Variants in PIK3CG observed in about 807,000 individuals in gnomAD.
PIK3CG encodes the protein phosphatidylinositol 4,5-bisphosphate 3-kinase catalytic subunit gamma isoform.
PIK3CG carries 55 observed loss-of-function variants against 102.3 expected under a neutral mutation model. That is an observed-to-expected ratio of 0.54 (90% CI 0.43 to 0.67). The LOEUF (loss-of-function observed/expected upper bound fraction) is 0.67. Ranked by LOEUF, PIK3CG falls within the 30% of genes least tolerant of loss-of-function variation. The pLI, the probability that PIK3CG is intolerant of heterozygous loss-of-function variation, is 0.00. For synonymous variants in PIK3CG, 552 were observed against 540.0 expected, an observed-to-expected ratio of 1.02 and a Z score of -0.31; for missense variants, 1,258 against 1,391.8, an observed-to-expected ratio of 0.90 and a Z score of 1.53.
At chr7:106,887,051 G>T (rs1432338296) in intron 10 of PIK3CG, among the ~76,000 whole-genome samples, 1 of 152,098 alleles carries the variant, frequency 6.6e-6, no homozygotes, top group Non-Finnish European at 1.5e-5. Context: ...ATTTGTGTTG[G>T]GCCACATTAA....
rs1790361705 is a variant in PIK3CG at position 106,867,915 on chromosome 7, T to C, written c.354T>C (p.Thr118=). The change falls in exon 2 of 11, where the codon ACT becomes ACC. Residue 118 remains threonine, a synonymous_variant. Transcript: ENST00000496166. This position sits in a 1 kb window ranked among gnomAD's most constrained non-coding sequence, Gnocchi z 5.1. Reference sequence around the variant, plus strand: ...ACGACAAGTACCAGGTGGTGCAGACTCTGGACTGCCTGCGCTACTGGAAGG... The same window carrying C: ...ACGACAAGTACCAGGTGGTGCAGACCCTGGACTGCCTGCGCTACTGGAAGG... ...EIYDKYQVVQ[T]LDCLRYWKAT... is the part of the protein sequence containing the mutation. 6.2e-7 allele frequency: 1 copy of C among 1,613,232 alleles called. No individual in the cohort carries two copies.
intron 5 of PIK3CG, among the ~76,000 whole-genome samples, chr7:106,876,060 G>A (rs367913546): frequency 9.4e-4 from 142 of 150,680 alleles, no homozygotes; most frequent in African/African-American, 3.2e-3. Context: ...GACTACAGGC[G>A]CCCGCCACCG....
chr7:106,905,188 C>G lies in PIK3CG; in HGVS notation c.3110C>G (p.Thr1037Arg), dbSNP rs1362910094. The G allele has an allele frequency of 1.2e-6, 2 of 1,613,944 alleles. No homozygotes were observed. The highest frequency in any genetic ancestry group is 2.7e-5 in the African/African-American group (2 of 74,910). Residue 1037 changes from threonine to arginine, a missense_variant, in exon 11 of 11, where the codon ACA becomes AGA. Physicochemically the swap from Thr to Arg is moderately conservative, Grantham distance 71 (BLOSUM62 -1). Transcript: ENST00000496166. This position sits in a 1 kb window ranked among gnomAD's most constrained non-coding sequence, Gnocchi z 5.6. The stretch of plus-strand genomic sequence containing the variant: ...ATCCTGTTCTCCATGATGCTGATGA[C>G]AGGAATGCCCCAGTTAACAAGCAAA... ...LIILFSMMLMTGMPQLTSKED... is the reference protein window; with the variant it reads ...LIILFSMMLMRGMPQLTSKED...
intron 2 of PIK3CG, among the ~76,000 whole-genome samples, chr7:106,870,694 A>G (rs1171255320): frequency 6.6e-6 from 1 of 152,212 alleles, no homozygotes; most frequent in Non-Finnish European, 1.5e-5. Context: ...TAAATTTTAC[A>G]CACTAAACTA....
In PIK3CG at chr7:106,897,757, A is replaced by G. The variant is rs1454738068; in HGVS notation, c.3031-7352A>G. On this transcript the variant is annotated intron_variant, in intron 10 of 10. Transcript: ENST00000496166. This position sits in a 1 kb window ranked among gnomAD's most constrained non-coding sequence, Gnocchi z 4.6. ...TAGTATTCCATGGTGTATATGTACC[A>G]CATTTTCTTTAATCAGCCTATCATT... 2.0e-5 allele frequency among the ~76,000 whole-genome samples: 3 copies of G among 152,172 alleles called. No individual in the cohort carries two copies. The highest frequency in any genetic ancestry group is 4.8e-5 in the African/African-American group (2 of 41,444).
intron 10 of PIK3CG, among the ~76,000 whole-genome samples, chr7:106,887,933 C>CTTTTTT (rs71156344): frequency 3.3e-5 from 2 of 60,602 alleles, no homozygotes; most frequent in African/African-American, 1.4e-4. Context: ...GACGACTCTC[C>CTTTTTT]TTTTTTTTTT....
rs2116520569 is a variant in PIK3CG at position 106,879,449 on chromosome 7, G to A, written c.2392-70G>A. 1 of 1,242,752 alleles carries A rather than the reference G, an allele frequency of 8.0e-7. No homozygotes were observed. The highest frequency in any genetic ancestry group is 1.2e-6 in the Non-Finnish European group (1 of 849,642). 77.0% of individuals were successfully genotyped at this position (1,242,752 alleles called of 1,614,324 possible). On this transcript the variant is annotated intron_variant, in intron 5 of 10. Coordinates refer to ENST00000496166, the MANE Select transcript of PIK3CG (RefSeq NM_001282426.2). The surrounding 1 kb of genome is among the most constrained non-coding windows in gnomAD (Gnocchi z 4.9). Reference sequence around the variant, plus strand: ...TTGTTTATAGTGATGTTTTGCAAGAGAATTTGTGTCTCCACCATGTATATT... The same window carrying A: ...TTGTTTATAGTGATGTTTTGCAAGAAAATTTGTGTCTCCACCATGTATATT...
In PIK3CG at chr7:106,894,274, A is replaced by C. The variant is rs1382849279; in HGVS notation, c.3030+7982A>C. ...CACACACACACAGACACACACACAC[A>C]CCCCTACGTGCACGCTATCAGAATA... On this transcript the variant is annotated intron_variant, in intron 10 of 10. Transcript: ENST00000496166. This position sits in a 1 kb window ranked among gnomAD's most constrained non-coding sequence, Gnocchi z 4.4. Among the ~76,000 whole-genome samples the C allele has an allele frequency of 1.3e-5, 2 of 151,864 alleles. No individual in the cohort carries two copies. Among genetic ancestry groups the C allele is most frequent in the African/African-American group, 2.4e-5 (1 of 41,328 alleles).
In PIK3CG at chr7:106,869,329, C is replaced by T. The variant is rs1790452037; in HGVS notation, c.1768C>T (p.Pro590Ser). Residue 590 changes from proline to serine, a missense_variant, in exon 2 of 11, where the codon CCT (proline) becomes TCT (serine). Coordinates refer to ENST00000496166, the MANE Select transcript of PIK3CG (RefSeq NM_001282426.2). This position sits in a 1 kb window ranked among gnomAD's most constrained non-coding sequence, Gnocchi z 5.3. Reference protein sequence around the residue: ...YESLKHPKAYPKLFSSVKWGQ... With the variant: ...YESLKHPKAYSKLFSSVKWGQ... ...AAGCCTTAAGCACCCAAAAGCATAT[C>T]CTAAGCTATTTAGTTCAGTGAAATG... 2 of 1,614,104 alleles carry T rather than the reference C, an allele frequency of 1.2e-6. No homozygotes were observed. The highest frequency in any genetic ancestry group is 2.2e-5 in the South Asian group (2 of 91,092).
rs565242264 is a variant in PIK3CG, at chr7:106,884,047, G to C, written c.2761-108G>C. The C allele has an allele frequency of 4.1e-5, 33 of 809,734 alleles. 1 individual carries two copies. The South Asian group carries it at 5.1e-4, about 13-fold the overall frequency. 50.2% of individuals were successfully genotyped at this position (809,734 alleles called of 1,614,324 possible). A position where few individuals can be genotyped will look rare whatever the true frequency, so the allele number is the denominator to read the frequency against. ...TAATGAAATCAGGCACAACTAACTTGCTCTCTGAAAATGGTTTCCAGAATA... is the reference window on the plus strand; with the variant it reads ...TAATGAAATCAGGCACAACTAACTTCCTCTCTGAAAATGGTTTCCAGAATA... On this transcript the variant is annotated intron_variant, in intron 8 of 10. Transcript: ENST00000496166. This position sits in a 1 kb window ranked among gnomAD's most constrained non-coding sequence, Gnocchi z 4.2.
rs765417966 is a variant in PIK3CG, at chr7:106,867,970, C to T, written c.409C>T (p.Leu137=). ...GCACCGGAGCCCGGGCCAGATCCAC[C>T]TGGTGCAGCGGCACCCGCCCTCCGA... ...ATHRSPGQIH[L]VQRHPPSEES... Residue 137 remains leucine (L), a synonymous_variant, in exon 2 of 11, where the codon CTG becomes TTG. Transcript: ENST00000496166. This position sits in a 1 kb window ranked among gnomAD's most constrained non-coding sequence, Gnocchi z 5.1. The T allele has an allele frequency of 5.0e-6, 8 of 1,612,462 alleles. No homozygotes were observed. The highest frequency in any genetic ancestry group is 5.1e-6 in the Non-Finnish European group (6 of 1,179,380).
At chr7:106,898,530 T>TAATCCAACTTGAGTTGA (rs2116599819) in intron 10 of PIK3CG, among the ~76,000 whole-genome samples, 1 of 152,350 alleles carries the variant, frequency 6.6e-6, no homozygotes, top group African/African-American at 2.4e-5. Context: ...TGTAAGTCTT[T>TAATCCAACTTGAGTTGA]AATCCAACTT....
At chr7:106,887,056 C>T (rs1336750355) in intron 10 of PIK3CG, among the ~76,000 whole-genome samples, 1 of 152,182 alleles carries the variant, frequency 6.6e-6, no homozygotes, top group Non-Finnish European at 1.5e-5. Context: ...TGTTGGGCCA[C>T]ATTAAAAGCC....
chr7:106,884,049 T>C lies in PIK3CG; in HGVS notation c.2761-106T>C. The C allele has an allele frequency of 1.2e-6, 1 of 830,344 alleles. No homozygotes were observed. Among genetic ancestry groups the C allele is most frequent in the Non-Finnish European group, 2.0e-6 (1 of 504,046 alleles). The allele number at this position is 830,344 out of a possible 1,614,324, so 51.4% of individuals were successfully genotyped here. On this transcript the variant is annotated intron_variant, in intron 8 of 10. Coordinates refer to ENST00000496166, the MANE Select transcript of PIK3CG (RefSeq NM_001282426.2). This position sits in a 1 kb window ranked among gnomAD's most constrained non-coding sequence, Gnocchi z 4.2. ...ATGAAATCAGGCACAACTAACTTGC[T>C]CTCTGAAAATGGTTTCCAGAATATT... is the stretch of plus-strand genomic sequence containing the variant.
Position 106,897,151 on chromosome 7 carries a change from T to C in PIK3CG, c.3031-7958T>C, listed in dbSNP as rs990650565. Among the ~76,000 whole-genome samples, 6 of 152,352 alleles carry C rather than the reference T, an allele frequency of 3.9e-5. No individual in the cohort carries two copies. The highest frequency in any genetic ancestry group is 1.4e-4 in the African/African-American group (6 of 41,586). ...CAGGACATGCAATTTTAAGTACTTT[T>C]TGTGAATCTTTTTTTATCAGTCCCC... is the stretch of plus-strand genomic sequence containing the variant. On this transcript the variant is annotated intron_variant, in intron 10 of 10. Coordinates refer to ENST00000496166, the MANE Select transcript of PIK3CG (RefSeq NM_001282426.2). This position sits in a 1 kb window ranked among gnomAD's most constrained non-coding sequence, Gnocchi z 4.6.
chr7:106,875,359 CAAA>C (rs35537666), intron 5 of PIK3CG, among the ~76,000 whole-genome samples: 1 of 126,734 alleles, frequency 7.9e-6, no homozygotes. Flanking sequence ...GACTCCGTCT[CAAA>C]AAAAAAAAAA....
At position 106,906,715 on chromosome 7, in the gene PIK3CG, G is replaced by GA. The variant is rs1334144616; in HGVS notation, c.*1335dup. On this transcript the variant is annotated 3_prime_UTR_variant, in exon 11 of 11. Coordinates refer to ENST00000496166, the MANE Select transcript of PIK3CG (RefSeq NM_001282426.2). ...TTACCTGTAGCTAATACATTACATA[G>GA]AAAAAAACTATGTTAACAGTGTCTC... 4 of 224,656 alleles carry GA rather than the reference G, an allele frequency of 1.8e-5. No individual in the cohort carries two copies. Among genetic ancestry groups the GA allele is most frequent in the East Asian group, 6.4e-5 (1 of 15,550 alleles). 13.9% of individuals were successfully genotyped at this position (224,656 alleles called of 1,614,324 possible). A position where few individuals can be genotyped will look rare whatever the true frequency, so the allele number is the denominator to read the frequency against.
In PIK3CG at chr7:106,878,514, T is replaced by C. The variant is rs117141302; in HGVS notation, c.2392-1005T>C. Among the ~76,000 whole-genome samples, 323 of 152,356 alleles carry C rather than the reference T, an allele frequency of 2.1e-3. 1 individual carries two copies. The highest frequency in any genetic ancestry group is 2.0e-3 in the Non-Finnish European group (137 of 68,034). On this transcript the variant is annotated intron_variant, in intron 5 of 10. Coordinates refer to ENST00000496166, the MANE Select transcript of PIK3CG (RefSeq NM_001282426.2). ...GACTCTGGGCTCAGTCTGGATTTCC[T>C]TCCTCTGTGCTGTAGCCTAGAAACA...
At chr7:106,875,079 G>A (rs1301871359) in intron 5 of PIK3CG, among the ~76,000 whole-genome samples, 3 of 152,096 alleles carry the variant, frequency 2.0e-5, no homozygotes, top group Admixed American at 6.6e-5. Flanking sequence ...GAACAGGCGC[G>A]GTAGCTCACG....
Sources: gnomAD v4.1 joint callset for allele counts (sites outside exome capture counted in the v4.1 genomes callset) on GRCh38, gnomAD v4.1.1 for gene constraint, Gnocchi (gnomAD v3.1) non-coding constraint, MANE v1.5 for transcripts, NCBI Gene and HGNC (gene_info 2026-07-23, HGNC 2026-07-21) for gene names.